KCNQ5: variants seen among roughly 807,000 people sequenced by gnomAD.
The protein encoded by KCNQ5 is potassium voltage-gated channel subfamily Q member 5.
A neutral mutation model predicts 98.2 loss-of-function variants in KCNQ5; 30 were observed. That is an observed-to-expected ratio of 0.31 (90% CI 0.23 to 0.41). KCNQ5 has a LOEUF of 0.41. Ranked by LOEUF, KCNQ5 falls within the 10% of genes least tolerant of loss-of-function variation. KCNQ5 has a pLI of 1.00. For missense variants in KCNQ5, 835 were observed against 1,182.5 expected, an observed-to-expected ratio of 0.71 and a Z score of 4.31; for synonymous variants, 458 against 449.4, an observed-to-expected ratio of 1.02 and a Z score of -0.24.
At chr6:72,935,056 T>C (rs1045165235) in intron 1 of KCNQ5, among the ~76,000 whole-genome samples, 8 of 151,160 alleles carry the variant, frequency 5.3e-5, no homozygotes, top group African/African-American at 1.9e-4. Context: ...ATATTGGCCT[T>C]GTTCTATCTT....
intron 1 of KCNQ5, among the ~76,000 whole-genome samples, chr6:72,874,807 C>T (rs553160154): frequency 1.3e-4 from 20 of 152,210 alleles, no homozygotes; most frequent in Middle Eastern, 3.4e-3. Context: ...CTCTGAAATA[C>T]TTGTATTTAA....
At chr6:73,183,158 A>G (rs1009952685) in intron 11 of KCNQ5, among the ~76,000 whole-genome samples, 1 of 152,224 alleles carries the variant, frequency 6.6e-6, no homozygotes, top group African/African-American at 2.4e-5. Context: ...ATCCATAGAC[A>G]GCCTAAACAT....
At chr6:73,193,653 A>G (rs2150526753) in intron 13 of KCNQ5, among the ~76,000 whole-genome samples, 1 of 151,904 alleles carries the variant, frequency 6.6e-6, no homozygotes, top group Non-Finnish European at 1.5e-5. Context: ...AATACTTCAT[A>G]TATTAATTCC....
chr6:73,069,860 A>G (rs766523707), intron 3 of KCNQ5, among the ~76,000 whole-genome samples: 2 of 152,202 alleles, frequency 1.3e-5, no homozygotes, highest in Non-Finnish European at 2.9e-5. Context: ...TCATCTTAAC[A>G]TTTTCATGTG....
chr6:72,886,603 G>A (rs1373737935), intron 1 of KCNQ5, among the ~76,000 whole-genome samples: 2 of 151,972 alleles, frequency 1.3e-5, no homozygotes, highest in Non-Finnish European at 2.9e-5. Context: ...TTCCAAAGTG[G>A]AGTAATAAAA....
At chr6:72,631,838 A>G (rs2098920970) in intron 1 of KCNQ5, among the ~76,000 whole-genome samples, 1 of 152,246 alleles carries the variant, frequency 6.6e-6, no homozygotes. Flanking sequence ...TTTATCACAA[A>G]TAATAGTCAT....
chr6:73,176,187 T>G (rs1473977649), intron 11 of KCNQ5, among the ~76,000 whole-genome samples: 1 of 152,178 alleles, frequency 6.6e-6, no homozygotes, highest in Non-Finnish European at 1.5e-5. Context: ...CAAACTGTAA[T>G]CCCCAATGTC....
chr6:72,625,082 G>A (rs967355530), intron 1 of KCNQ5, among the ~76,000 whole-genome samples: 1 of 152,180 alleles, frequency 6.6e-6, no homozygotes, highest in East Asian at 1.9e-4. Context: ...CAAGTGCACC[G>A]TGATTAATGA....
At chr6:72,811,903 G>A (rs909773959) in intron 1 of KCNQ5, among the ~76,000 whole-genome samples, 1 of 152,162 alleles carries the variant, frequency 6.6e-6, no homozygotes, top group Non-Finnish European at 1.5e-5. Flanking sequence ...GCTATTTATA[G>A]GGTTATTTCT....
chr6:72,633,047 A>G (rs979401464), intron 1 of KCNQ5, among the ~76,000 whole-genome samples: 3 of 152,166 alleles, frequency 2.0e-5, no homozygotes, highest in Non-Finnish European at 4.4e-5. Flanking sequence ...CATTCCCACT[A>G]ACAGTGTATA....
At chr6:72,978,279 C>G (rs188713820) in intron 1 of KCNQ5, among the ~76,000 whole-genome samples, 28 of 152,296 alleles carry the variant, frequency 1.8e-4, no homozygotes, top group Admixed American at 1.4e-3. Flanking sequence ...GGAAAAGACA[C>G]AGAAACAGCT....
intron 1 of KCNQ5, among the ~76,000 whole-genome samples, chr6:72,922,521 C>T (rs1399796962): frequency 6.6e-6 from 1 of 152,088 alleles, no homozygotes; most frequent in South Asian, 2.1e-4. Context: ...TTTATTCCTC[C>T]TGTCTAACTG....
chr6:72,751,436 A>G (rs1771679580), intron 1 of KCNQ5, among the ~76,000 whole-genome samples: 1 of 152,076 alleles, frequency 6.6e-6, no homozygotes, highest in Admixed American at 6.6e-5. Context: ...CCAAGAAAAA[A>G]ACATAATTTT....
chr6:72,896,072 G>A (rs1779240312), intron 1 of KCNQ5, among the ~76,000 whole-genome samples: 2 of 152,058 alleles, frequency 1.3e-5, no homozygotes, highest in Non-Finnish European at 2.9e-5. Flanking sequence ...TTATTTCTTA[G>A]CAAGTCTATT....
At chr6:72,634,687 T>C (rs982006520) in intron 1 of KCNQ5, among the ~76,000 whole-genome samples, 4 of 152,150 alleles carry the variant, frequency 2.6e-5, no homozygotes, top group African/African-American at 9.7e-5. Context: ...TGCCTCAGCC[T>C]CCCGAGTAGC....
intron 3 of KCNQ5, among the ~76,000 whole-genome samples, chr6:73,076,251 T>TC (rs1303644012): frequency 4.6e-5 from 7 of 152,132 alleles, no homozygotes; most frequent in Non-Finnish European, 1.5e-5. Context: ...CAGCAGTTAA[T>TC]CCAGAGGATG....
intron 2 of KCNQ5, among the ~76,000 whole-genome samples, chr6:73,025,309 C>G (rs1449095121): frequency 6.6e-6 from 1 of 152,126 alleles, no homozygotes; most frequent in African/African-American, 2.4e-5. Flanking sequence ...GATAAGCAAG[C>G]ATTCTACAAA....
intron 1 of KCNQ5, among the ~76,000 whole-genome samples, chr6:72,623,310 C>A (rs1347196127): frequency 6.6e-6 from 1 of 151,658 alleles, no homozygotes; most frequent in Non-Finnish European, 1.5e-5. Context: ...GGCGGAGGTG[C>A]GATAGCAGAA....
intron 1 of KCNQ5, among the ~76,000 whole-genome samples, chr6:72,722,152 A>C (rs1340221380): frequency 6.6e-6 from 1 of 152,206 alleles, no homozygotes; most frequent in African/African-American, 2.4e-5. Context: ...CAGAGTCTTC[A>C]GAAGGAACCA....
Sources: allele counts gnomAD v4.1 joint callset (sites outside exome capture counted in the v4.1 genomes callset), GRCh38; gene constraint gnomAD v4.1.1; transcripts MANE v1.5; gene names NCBI Gene and HGNC (gene_info 2026-07-23, HGNC 2026-07-21).